The following TMEM132D variants were observed in gnomAD, a reference collection of about 807,000 sequenced individuals.
TMEM132D encodes transmembrane protein 132D.
In TMEM132D, 21 loss-of-function variants were observed where a neutral mutation model predicts 62.3. That is an observed-to-expected ratio of 0.34 (90% CI 0.24 to 0.49). TMEM132D has a LOEUF of 0.49. Ranked by LOEUF, TMEM132D falls within the 20% of genes least tolerant of loss-of-function variation. The pLI, the probability that TMEM132D is intolerant of heterozygous loss-of-function variation, is 0.99. For synonymous variants in TMEM132D, 621 were observed against 575.6 expected (o/e 1.08, Z -1.13); for missense variants, 1,346 against 1,402.8 (o/e 0.96, Z 0.65).
chr12:129,332,092 C>T (rs1392693124), intron 4 of TMEM132D, among the ~76,000 whole-genome samples: 1 of 152,150 alleles, frequency 6.6e-6, no homozygotes, highest in Non-Finnish European at 1.5e-5. Context: ...GAAGAGTAAA[C>T]ACCAGTCTCC....
At chr12:129,173,891 A>G (rs1263580099) in intron 5 of TMEM132D, among the ~76,000 whole-genome samples, 2 of 152,144 alleles carry the variant, frequency 1.3e-5, no homozygotes, top group Non-Finnish European at 2.9e-5. Flanking sequence ...GAAAATCTGT[A>G]ATCCTTTTTC....
intron 1 of TMEM132D, among the ~76,000 whole-genome samples, chr12:129,709,124 GC>G (rs1376816989): frequency 6.6e-6 from 1 of 152,154 alleles, no homozygotes; most frequent in African/African-American, 2.4e-5. Context: ...AATGGACTGA[GC>G]TGCTGCAAGT....
At chr12:129,233,442 T>C (rs903651579) in intron 4 of TMEM132D, among the ~76,000 whole-genome samples, 6 of 152,182 alleles carry the variant, frequency 3.9e-5, no homozygotes, top group African/African-American at 7.2e-5. Context: ...GAAGTTCTTA[T>C]ATCCTGCCTC....
intron 1 of TMEM132D, among the ~76,000 whole-genome samples, chr12:129,747,396 ACACT>A (rs1869831161): frequency 6.6e-6 from 1 of 151,932 alleles, no homozygotes; most frequent in Admixed American, 6.6e-5. Flanking sequence ...CTCCACACAC[ACACT>A]CAGACACACA....
At chr12:129,703,315 A>G (rs970994091) in intron 1 of TMEM132D, among the ~76,000 whole-genome samples, 4 of 152,206 alleles carry the variant, frequency 2.6e-5, no homozygotes, top group African/African-American at 9.6e-5. Flanking sequence ...CAATAAGGCA[A>G]TCGGGGTCAC....
intron 3 of TMEM132D, among the ~76,000 whole-genome samples, chr12:129,426,711 T>C (rs1212831835): frequency 6.6e-6 from 1 of 152,210 alleles, no homozygotes; most frequent in African/African-American, 2.4e-5. Flanking sequence ...ACTCTTTATA[T>C]ATATTAACTA....
chr12:129,409,567 G>A lies in TMEM132D; in HGVS notation c.1116-71750C>T, dbSNP rs560518062. 3.9e-5 allele frequency among the ~76,000 whole-genome samples: 6 copies of A among 152,276 alleles called. No homozygotes were observed. In the South Asian group the frequency reaches 6.2e-4, roughly 16 times the overall value. ...TGAGAACCTGGTGGGTGAATCATTC[G>A]TGTAAATTATGAATTACCACTTTCA... On this transcript the variant is annotated intron_variant, in intron 3 of 8. Transcript: ENST00000422113.
chr12:129,509,485 A>G (rs1047165603), intron 3 of TMEM132D, among the ~76,000 whole-genome samples: 14 of 152,220 alleles, frequency 9.2e-5, no homozygotes, highest in Admixed American at 7.8e-4. Flanking sequence ...CAATCCAATT[A>G]TATTCTTTTA....
At chr12:129,261,287 G>A (rs55703667) in intron 4 of TMEM132D, among the ~76,000 whole-genome samples, 3,012 of 152,266 alleles carry the variant, frequency 0.02, 109 homozygotes, top group African/African-American at 0.069. Context: ...ACATGTCATG[G>A]GAGGGACCTG....
chr12:129,141,265 T>C (rs1876734254), intron 5 of TMEM132D, among the ~76,000 whole-genome samples: 1 of 152,224 alleles, frequency 6.6e-6, no homozygotes, highest in Non-Finnish European at 1.5e-5. Flanking sequence ...AAGAGATGTT[T>C]ACTGAGCACT....
intron 1 of TMEM132D, among the ~76,000 whole-genome samples, chr12:129,737,156 C>T (rs1049339072): frequency 1.3e-5 from 2 of 152,162 alleles, no homozygotes; most frequent in African/African-American, 4.8e-5. Context: ...GCATCTTAGA[C>T]TGGAGAATTC....
At chr12:129,868,517 C>T (rs1447901947) in intron 1 of TMEM132D, among the ~76,000 whole-genome samples, 1 of 152,192 alleles carries the variant, frequency 6.6e-6, no homozygotes, top group African/African-American at 2.4e-5. Context: ...AAGACATAAT[C>T]GTGAGTCGAG....
chr12:129,687,865 T>C (rs1256815035), intron 2 of TMEM132D, among the ~76,000 whole-genome samples: 1 of 152,136 alleles, frequency 6.6e-6, no homozygotes, highest in African/African-American at 2.4e-5. Flanking sequence ...ATGAACCACC[T>C]GTTAGGACAT....
At chr12:129,321,988 T>TTAAA (rs1868733818) in intron 4 of TMEM132D, among the ~76,000 whole-genome samples, 1 of 152,188 alleles carries the variant, frequency 6.6e-6, no homozygotes. Flanking sequence ...AGTTCCATGC[T>TTAAA]TAAATCCTGG....
intron 1 of TMEM132D, among the ~76,000 whole-genome samples, chr12:129,898,511 C>T (rs1025835810): frequency 2.0e-5 from 3 of 152,190 alleles, no homozygotes; most frequent in East Asian, 1.9e-4. Flanking sequence ...TGTTAAAAGG[C>T]GACGTGACTA....
intron 2 of TMEM132D, among the ~76,000 whole-genome samples, chr12:129,612,705 G>C (rs1192299903): frequency 7.5e-6 from 1 of 132,978 alleles, no homozygotes; most frequent in Non-Finnish European, 1.7e-5. Flanking sequence ...AATGTGGGAA[G>C]ACATGTTGTT....
chr12:129,248,520 G>T (rs1371955187), intron 4 of TMEM132D, among the ~76,000 whole-genome samples: 1 of 90,332 alleles, frequency 1.1e-5, no homozygotes, highest in African/African-American at 3.6e-5. Flanking sequence ...TAGAAACAGG[G>T]GCTGATTTTT....
intron 3 of TMEM132D, among the ~76,000 whole-genome samples, chr12:129,430,260 T>C (rs1872616883): frequency 6.6e-6 from 1 of 152,212 alleles, no homozygotes; most frequent in African/African-American, 2.4e-5. Flanking sequence ...TCCTGACTTT[T>C]TAATGATCGC....
intron 4 of TMEM132D, among the ~76,000 whole-genome samples, chr12:129,282,015 C>T (rs1881168908): frequency 6.6e-6 from 1 of 152,146 alleles, no homozygotes; most frequent in Non-Finnish European, 1.5e-5. Context: ...GCCTGATTCC[C>T]TTCCTTGTCT....
Sources: allele counts gnomAD v4.1 joint callset (sites outside exome capture counted in the v4.1 genomes callset), GRCh38; gene constraint gnomAD v4.1.1; transcripts MANE v1.5; gene names NCBI Gene and HGNC (gene_info 2026-07-23, HGNC 2026-07-21).